ZNF708: variants seen among roughly 807,000 people sequenced by gnomAD.
The protein encoded by ZNF708 is ZNF15, ZNF15L1.
In ZNF708, 44 loss-of-function variants were observed where a neutral mutation model predicts 47.0. That is an observed-to-expected ratio of 0.94 (90% confidence interval 0.74 to 1.20). The LOEUF is 1.20. Ranked by LOEUF, ZNF708 falls within the 50% of genes most tolerant of loss-of-function variation. The pLI is 0.00. For missense variants in ZNF708, 557 were observed against 656.0 expected (o/e 0.85, Z 1.65); for synonymous variants, 184 against 218.5 (o/e 0.84, Z 1.39).
intron 1 of ZNF708, among the ~76,000 whole-genome samples, chr19:21,311,935 T>C (rs1469515217): frequency 6.6e-6 from 1 of 152,114 alleles, no homozygotes; most frequent in Non-Finnish European, 1.5e-5. Flanking sequence ...TTAACTCTTA[T>C]GAATGTATCT....
chr19:21,317,239 C>G, intron 1 of ZNF708, among the ~76,000 whole-genome samples: 1 of 151,968 alleles, frequency 6.6e-6, no homozygotes, highest in East Asian at 1.9e-4. Context: ...AAGATCATGC[C>G]ACTGCACTCC....
intron 3 of ZNF708, among the ~76,000 whole-genome samples, chr19:21,297,211 TATA>T (rs1389720257): frequency 7.4e-6 from 1 of 135,868 alleles, no homozygotes; most frequent in Non-Finnish European, 1.6e-5. Flanking sequence ...AGAGAGCAGA[TATA>T]ATGAGAAAGA....
chr19:21,313,488 G>A (rs1357308384), intron 1 of ZNF708, among the ~76,000 whole-genome samples: 1 of 152,000 alleles, frequency 6.6e-6, no homozygotes. Flanking sequence ...AGCCAGGCGC[G>A]GTGGTTCATG....
intron 1 of ZNF708, among the ~76,000 whole-genome samples, chr19:21,321,781 AT>A (rs1973149719): frequency 2.0e-5 from 3 of 152,328 alleles, no homozygotes; most frequent in Admixed American, 2.0e-4. Flanking sequence ...ATTTGGTGCT[AT>A]GCTTAGTACT....
At chr19:21,310,967 C>A (rs902621351) in intron 1 of ZNF708, among the ~76,000 whole-genome samples, 5 of 152,050 alleles carry the variant, frequency 3.3e-5, no homozygotes, top group Admixed American at 6.6e-5. Flanking sequence ...ATGGAAAAGA[C>A]ATGTTGAGTT....
At position 21,325,007 on chromosome 19, in the gene ZNF708, A is replaced by C. The variant is rs148185323; in HGVS notation, c.3+4203T>G. On this transcript the variant is annotated intron_variant, in intron 1 of 3. Transcript: ENST00000356929. ...TGGTAGCATTCTTAAACAGCCTTGA[A>C]ATTTTATTGGAAATTACCAAGCCAT... Among the ~76,000 whole-genome samples the C allele has an allele frequency of 4.4e-3, 667 of 152,266 alleles. 2 individuals are homozygous for C. The highest frequency in any genetic ancestry group is 6.9e-3 in the Non-Finnish European group (466 of 68,004).
At chr19:21,303,153 G>A (rs1401425333) in intron 3 of ZNF708, among the ~76,000 whole-genome samples, 6 of 152,156 alleles carry the variant, frequency 3.9e-5, no homozygotes, top group African/African-American at 1.2e-4. Flanking sequence ...TTGAGAGGCC[G>A]AAATGAGAGG....
intron 3 of ZNF708, among the ~76,000 whole-genome samples, chr19:21,297,268 A>ATTTTT (rs1568345549): frequency 3.3e-4 from 5 of 15,348 alleles, no homozygotes; most frequent in African/African-American, 9.8e-4. Flanking sequence ...ATATATATAT[A>ATTTTT]TATTTTTTTT....
intron 1 of ZNF708, among the ~76,000 whole-genome samples, chr19:21,313,266 T>G (rs1972936894): frequency 1.4e-5 from 2 of 142,562 alleles, no homozygotes; most frequent in South Asian, 2.2e-4. Flanking sequence ...CTGGCCTGGG[T>G]GACAGAGCAA....
At chr19:21,320,850 T>C (rs499445) in intron 1 of ZNF708, among the ~76,000 whole-genome samples, 143,635 of 150,932 alleles carry the variant, frequency 0.95, 68,578 homozygotes, top group Middle Eastern at 1. Flanking sequence ...GTTAGAAAAG[T>C]AATGCAGAAG....
At chr19:21,310,310 T>C (rs752494708) in intron 2 of ZNF708, among the ~76,000 whole-genome samples, 191 bp downstream of exon 2, 4 of 151,726 alleles carry the variant, frequency 2.6e-5, no homozygotes, top group Non-Finnish European at 5.9e-5. Context: ...CCGGGCATGG[T>C]GGCACATGCC....
At chr19:21,328,070 C>T (rs1973298319) in intron 1 of ZNF708, 9 of 974,890 alleles carry the variant, frequency 9.2e-6, no homozygotes, top group Non-Finnish European at 9.8e-6. Flanking sequence ...TACTGAAACC[C>T]AGGACCAGGA....
chr19:21,292,118 GC>G lies in ZNF708; in HGVS notation c.*1155del, dbSNP rs1479839374. 6.6e-6 allele frequency: 1 copy of G among 151,932 alleles called. No individual in the cohort carries two copies. 9.4% of individuals were successfully genotyped at this position (151,932 alleles called of 1,614,324 possible). The stretch of plus-strand genomic sequence containing the variant: ...GCAATCTCGGCTCACTACAACCTCT[GC>G]CTCCTGGGTTCAACGGATTTTCCTG... On this transcript the variant is annotated 3_prime_UTR_variant, in exon 4 of 4. Coordinates refer to ENST00000356929, the MANE Select transcript of ZNF708 (RefSeq NM_021269.3).
intron 2 of ZNF708, 26 bp downstream of exon 2, chr19:21,310,474 AT>A (rs753324729): frequency 8.4e-6 from 10 of 1,189,442 alleles, no homozygotes; most frequent in Non-Finnish European, 8.6e-6. Flanking sequence ...AATAATAAAA[AT>A]TAAAAAAAAA....
At chr19:21,309,119 TA>T in intron 3 of ZNF708, 126 bp downstream of exon 3, 6 of 957,170 alleles carry the variant, frequency 6.3e-6, no homozygotes, top group South Asian at 3.4e-5. Flanking sequence ...ATATTAAAGT[TA>T]AAAAAACAAA....
Position 21,293,214 on chromosome 19 carries a change from C to A in ZNF708, c.*60G>T, listed in dbSNP as rs994762612. 21 of 1,545,566 alleles carry A rather than the reference C, an allele frequency of 1.4e-5. No individual in the cohort carries two copies. In the African/African-American group the frequency reaches 2.1e-4, roughly 15 times the overall value. On this transcript the variant is annotated 3_prime_UTR_variant, in exon 4 of 4. Transcript: ENST00000356929. ...TTTATCACATTTGTAGGATTTCTCT[C>A]CAGTATGAATTATCTTGTGTTTTAA...
intron 2 of ZNF708, 25 bp downstream of exon 2, chr19:21,310,476 T>TAAAA: frequency 2.0e-6 from 2 of 1,021,608 alleles, no homozygotes; most frequent in Non-Finnish European, 2.5e-6. Context: ...TAATAAAAAT[T>TAAAA]AAAAAAAAAA....
chr19:21,303,271 G>T (rs570744949), intron 3 of ZNF708, among the ~76,000 whole-genome samples: 10 of 152,252 alleles, frequency 6.6e-5, no homozygotes, highest in African/African-American at 2.2e-4. Flanking sequence ...TGAATAAATA[G>T]GCCAGGCATG....
In ZNF708 at chr19:21,329,199, G is replaced by T. The variant is rs770777487; in HGVS notation, c.3+11C>A. The T allele has an allele frequency of 5.6e-6, 9 of 1,612,082 alleles. No homozygotes were observed. The South Asian group carries it at 9.9e-5, about 18-fold the overall frequency. On this transcript the variant is annotated intron_variant, in intron 1 of 3. Transcript: ENST00000356929. ...CTTCCCCTCTCTCGGGATGTCGGAC[G>T]GCACTCTCACCATTTCTAGGCTTCC...
Sources: allele counts gnomAD v4.1 joint callset (sites outside exome capture counted in the v4.1 genomes callset), GRCh38; gene constraint gnomAD v4.1.1; transcripts MANE v1.5; gene names NCBI Gene and HGNC (gene_info 2026-07-23, HGNC 2026-07-21).